RIMS1: variants seen among roughly 807,000 people sequenced by gnomAD.
The protein encoded by RIMS1 is regulating synaptic membrane exocytosis protein 1.
RIMS1 carries 83 observed loss-of-function variants against 214.1 expected under a neutral mutation model. The ratio of observed to expected loss-of-function variants is 0.39; its 90% confidence interval spans 0.32 to 0.47. The LOEUF (loss-of-function observed/expected upper bound fraction) is 0.47. Ranked by LOEUF, RIMS1 falls within the 20% of genes least tolerant of loss-of-function variation. The probability of loss-of-function intolerance (pLI) is 0.99; values close to 1 mark genes in which losing one functional copy is unlikely to be tolerated. For missense variants in RIMS1, 2,050 were observed against 2,161.8 expected (o/e 0.95, Z 1.03); for synonymous variants, 793 against 786.8 (o/e 1.01, Z -0.13).
intron 2 of RIMS1, among the ~76,000 whole-genome samples, chr6:72,038,627 G>T (rs182021543): frequency 3.9e-5 from 6 of 152,234 alleles, no homozygotes; most frequent in Non-Finnish European, 5.9e-5. Flanking sequence ...GAAGGGGAAA[G>T]AATCAAGGTC....
chr6:72,085,179 G>A (rs574564146), intron 2 of RIMS1, among the ~76,000 whole-genome samples: 1 of 151,982 alleles, frequency 6.6e-6, no homozygotes, highest in Non-Finnish European at 1.5e-5. Context: ...TTTGCAATAA[G>A]AAAAAAGTAT....
intron 9 of RIMS1, among the ~76,000 whole-genome samples, chr6:72,239,499 T>G (rs2065760409): frequency 6.6e-6 from 1 of 152,218 alleles, no homozygotes; most frequent in African/African-American, 2.4e-5. Flanking sequence ...ACATTATAAT[T>G]TAGGAACTGA....
At chr6:72,279,757 A>G (rs1008711657) in intron 23 of RIMS1, among the ~76,000 whole-genome samples, 1 of 152,038 alleles carries the variant, frequency 6.6e-6, no homozygotes, top group Non-Finnish European at 1.5e-5. Flanking sequence ...TGATGGTGTT[A>G]TCCTCATCAA....
intron 29 of RIMS1, among the ~76,000 whole-genome samples, chr6:72,342,626 GGTGTGTGTGT>G (rs113847815): frequency 1.0e-4 from 15 of 145,972 alleles, no homozygotes; most frequent in South Asian, 2.2e-4. Context: ...GAGTAAGATG[GGTGTGTGTGT>G]GTGTGTGTGT....
chr6:72,338,185 G>T (rs1189448606), intron 29 of RIMS1, among the ~76,000 whole-genome samples: 1 of 151,740 alleles, frequency 6.6e-6, no homozygotes, highest in African/African-American at 2.4e-5. Context: ...CACAATGGTT[G>T]AACTAGTTTA....
At chr6:72,046,118 G>A (rs75885085) in intron 2 of RIMS1, among the ~76,000 whole-genome samples, 1,751 of 152,182 alleles carry the variant, frequency 0.012, 9 homozygotes, top group Non-Finnish European at 0.017. Context: ...GACTGATAGT[G>A]ACTGATTCAG....
intron 2 of RIMS1, among the ~76,000 whole-genome samples, chr6:72,075,216 G>A (rs994527058): frequency 6.6e-6 from 1 of 152,014 alleles, no homozygotes; most frequent in Non-Finnish European, 1.5e-5. Flanking sequence ...CAAGTAGCTA[G>A]GACCGCAGGT....
Position 72,182,688 on chromosome 6 carries a change from A to C in RIMS1, c.1217A>C (p.Glu406Ala). The change falls in exon 6 of 34, where the codon GAG becomes GCG. Residue 406 changes from glutamate to alanine, a missense_variant. Glu to Ala is a moderately radical substitution (Grantham distance 107). This residue lies in a region of RIMS1 where 882 missense variants were observed against 828.9 expected (regional missense o/e 1.06). Transcript: ENST00000521978. ...ACCGAGGCGGGCGCGGCGCTGCCGG[A>C]GGGCAAGGCCGGCAAACGCGCGCCG... ...PRTEAGAALP[E>A]GKAGKRAPAA... 1 of 1,464,616 alleles carries C rather than the reference A, an allele frequency of 6.8e-7. No individual in the cohort carries two copies. The highest frequency in any genetic ancestry group is 2.3e-4 in the Middle Eastern group (1 of 4,372). The allele number at this position is 1,464,616 out of a possible 1,614,324, so 90.7% of individuals were successfully genotyped here. A position where few individuals can be genotyped will look rare whatever the true frequency, so the allele number is the denominator to read the frequency against.
intron 2 of RIMS1, among the ~76,000 whole-genome samples, chr6:72,084,761 T>C (rs1834233191): frequency 6.6e-6 from 1 of 152,162 alleles, no homozygotes; most frequent in Non-Finnish European, 1.5e-5. Context: ...AAAACACTAA[T>C]AGCTAATCAT....
chr6:72,362,890 A>C (rs1264915684), intron 29 of RIMS1, among the ~76,000 whole-genome samples: 1 of 152,194 alleles, frequency 6.6e-6, no homozygotes, highest in Non-Finnish European at 1.5e-5. Context: ...TTGTTCATTC[A>C]AAATATATTT....
intron 4 of RIMS1, among the ~76,000 whole-genome samples, chr6:72,122,180 A>G (rs2038498109): frequency 6.8e-6 from 1 of 148,074 alleles, no homozygotes; most frequent in South Asian, 2.1e-4. Flanking sequence ...AAAATGAGTT[A>G]GGGAGGATTC....
chr6:71,901,233 A>T (rs990401026), intron 1 of RIMS1, among the ~76,000 whole-genome samples: 1 of 152,128 alleles, frequency 6.6e-6, no homozygotes. Flanking sequence ...GTGCATCTAC[A>T]CTATGACATA....
intron 4 of RIMS1, among the ~76,000 whole-genome samples, chr6:72,111,642 T>C (rs190333086): frequency 1.4e-4 from 22 of 152,306 alleles, no homozygotes; most frequent in African/African-American, 5.3e-4. Flanking sequence ...TAGTTTTAGA[T>C]AAAGAGGAGA....
chr6:72,046,819 G>A (rs1421157489), intron 2 of RIMS1, among the ~76,000 whole-genome samples: 1 of 151,948 alleles, frequency 6.6e-6, no homozygotes, highest in Non-Finnish European at 1.5e-5. Flanking sequence ...AACAACTTCT[G>A]CTCCCATATT....
intron 27 of RIMS1, among the ~76,000 whole-genome samples, chr6:72,309,631 C>G (rs920600173): frequency 6.6e-6 from 1 of 152,058 alleles, no homozygotes; most frequent in Non-Finnish European, 1.5e-5. Flanking sequence ...TTTCCTCTCT[C>G]TCTTTGCATT....
intron 24 of RIMS1, among the ~76,000 whole-genome samples, chr6:72,285,557 CTATT>C (rs199694721): frequency 0.019 from 2,936 of 152,152 alleles, 115 homozygotes; most frequent in African/African-American, 0.067. Context: ...GAGAAATTGA[CTATT>C]TAGGGAACTT....
intron 11 of RIMS1, among the ~76,000 whole-genome samples, chr6:72,246,986 G>GA (rs1052194386): frequency 6.6e-6 from 1 of 152,046 alleles, no homozygotes; most frequent in Non-Finnish European, 1.5e-5. Flanking sequence ...TGTACTTATA[G>GA]AAAAAAATGT....
At chr6:72,311,714 T>G (rs962648419) in intron 27 of RIMS1, among the ~76,000 whole-genome samples, 3 of 152,140 alleles carry the variant, frequency 2.0e-5, no homozygotes, top group Admixed American at 6.5e-5. Context: ...GGTAAAGAAA[T>G]AAAAATCACA....
At chr6:72,199,889 C>T (rs1051698075) in intron 6 of RIMS1, among the ~76,000 whole-genome samples, 1 of 151,786 alleles carries the variant, frequency 6.6e-6, no homozygotes, top group Admixed American at 6.6e-5. Flanking sequence ...AGGATGTTTT[C>T]CATTAGAACG....
Sources: gnomAD v4.1 joint callset for allele counts (sites outside exome capture counted in the v4.1 genomes callset) on GRCh38, gnomAD v4.1.1 for gene constraint, gnomAD v4.1.1 regional missense constraint, MANE v1.5 for transcripts, NCBI Gene and HGNC (gene_info 2026-07-23, HGNC 2026-07-21) for gene names.